Variants in CTNNA3 observed in about 807,000 individuals in gnomAD.
CTNNA3 encodes the protein catenin alpha 3, also known as catenin alpha-3.
A neutral mutation model predicts 95.7 loss-of-function variants in CTNNA3; 76 were observed. The observed-to-expected ratio is 0.79, with a 90% CI of 0.66 to 0.96. The LOEUF (loss-of-function observed/expected upper bound fraction) is 0.96, where lower values mean the gene tolerates loss of function less well. Ranked by LOEUF, CTNNA3 falls within the 40% of genes least tolerant of loss-of-function variation. The pLI is 0.00. For synonymous variants in CTNNA3, 431 were observed against 374.4 expected (o/e 1.15, Z -1.74); for missense variants, 1,191 against 1,089.8 (o/e 1.09, Z -1.31).
rs552757367 is a variant in CTNNA3, at chr10:66,068,356, A to G, written c.2159+952T>C. On this transcript the variant is annotated intron_variant, in intron 15 of 17. Transcript: ENST00000433211. ...TTTACATTTCAATATTGCTTAGGAC[A>G]TTCTATTGATGTACATTTTTTGAAG... Among the ~76,000 whole-genome samples, 3 of 152,242 alleles carry G rather than the reference A, an allele frequency of 2.0e-5. No individual in the cohort carries two copies. In the East Asian group the frequency reaches 5.8e-4, roughly 29 times the overall value.
chr10:67,554,958 C>T (rs1841180496), intron 3 of CTNNA3, among the ~76,000 whole-genome samples: 1 of 152,284 alleles, frequency 6.6e-6, no homozygotes, highest in South Asian at 2.1e-4. Flanking sequence ...GATCCAGTTT[C>T]AGCTTTCTAC....
chr10:67,409,185 C>T (rs1845270587), intron 5 of CTNNA3, among the ~76,000 whole-genome samples: 1 of 152,090 alleles, frequency 6.6e-6, no homozygotes, highest in Non-Finnish European at 1.5e-5. Context: ...GGTGATTCCT[C>T]AGAGATCTAG....
chr10:66,810,648 T>TA (rs1841839863), intron 7 of CTNNA3, among the ~76,000 whole-genome samples: 1 of 39,664 alleles, frequency 2.5e-5, no homozygotes, highest in Admixed American at 2.9e-4. Context: ...TTTTGTTACT[T>TA]AAAATCTTCA....
At chr10:66,070,602 G>A (rs1023866846) in intron 14 of CTNNA3, among the ~76,000 whole-genome samples, 2 of 152,042 alleles carry the variant, frequency 1.3e-5, no homozygotes, top group African/African-American at 4.8e-5. Flanking sequence ...ATTATTTACT[G>A]TTCTCATAAT....
intron 1 of CTNNA3, among the ~76,000 whole-genome samples, chr10:67,654,245 T>C (rs1250007678): frequency 6.6e-6 from 1 of 152,222 alleles, no homozygotes; most frequent in East Asian, 1.9e-4. Context: ...AGTAGAAAGA[T>C]TGGCGAGTAG....
At chr10:66,201,893 AT>A (rs2087447568) in intron 13 of CTNNA3, among the ~76,000 whole-genome samples, 1 of 139,264 alleles carries the variant, frequency 7.2e-6, no homozygotes, top group African/African-American at 2.7e-5. Flanking sequence ...GGTTCAAGTG[AT>A]TCTCTCGCCT....
chr10:67,306,952 A>G (rs2132514163), intron 5 of CTNNA3, among the ~76,000 whole-genome samples: 1 of 152,324 alleles, frequency 6.6e-6, no homozygotes, highest in South Asian at 2.1e-4. Context: ...CATTTTGCAC[A>G]CAGAGAAAAC....
At chr10:66,447,851 C>G (rs977040352) in intron 11 of CTNNA3, among the ~76,000 whole-genome samples, 1 of 152,120 alleles carries the variant, frequency 6.6e-6, no homozygotes, top group Non-Finnish European at 1.5e-5. Flanking sequence ...TAAAGAGCTT[C>G]TGCACAGCAA....
intron 5 of CTNNA3, among the ~76,000 whole-genome samples, chr10:67,279,741 C>T (rs1440527614): frequency 6.7e-6 from 1 of 150,212 alleles, no homozygotes; most frequent in Non-Finnish European, 1.5e-5. Context: ...TTTCTACTTT[C>T]CTTTCACAAA....
At chr10:67,434,001 G>T (rs1222762805) in intron 5 of CTNNA3, among the ~76,000 whole-genome samples, 1 of 151,846 alleles carries the variant, frequency 6.6e-6, no homozygotes, top group Non-Finnish European at 1.5e-5. Context: ...ATCTAGCCTG[G>T]GTACAATCTC....
At chr10:67,651,894 C>T (rs1400981481) in intron 1 of CTNNA3, among the ~76,000 whole-genome samples, 1 of 152,192 alleles carries the variant, frequency 6.6e-6, no homozygotes, top group Non-Finnish European at 1.5e-5. Context: ...GATGTCCAGT[C>T]TAATTAAAGA....
At position 66,927,030 on chromosome 10, in the gene CTNNA3, T is replaced by C. The variant is rs1345372400; in HGVS notation, c.1048-151506A>G. ...CCGAACGAGGATGCCCTAAGGGCTG[T>C]AGGTGTGAAGGCAAAATGGTATATT... On this transcript the variant is annotated intron_variant, in intron 7 of 17. Transcript: ENST00000433211. This position sits in a 1 kb window ranked among gnomAD's most constrained non-coding sequence, Gnocchi z 4.7. 2 of 1,614,188 alleles carry C rather than the reference T, an allele frequency of 1.2e-6. No individual in the cohort carries two copies. The highest frequency in any genetic ancestry group is 1.7e-5 in the Admixed American group (1 of 60,022).
At chr10:67,303,700 T>C (rs10823027) in intron 5 of CTNNA3, among the ~76,000 whole-genome samples, 24,874 of 152,202 alleles carry the variant, frequency 0.16, 2,723 homozygotes, top group East Asian at 0.33. Context: ...TTCCCTATAA[T>C]ACAGTATATT....
chr10:66,755,851 G>T (rs958055737), intron 9 of CTNNA3, among the ~76,000 whole-genome samples: 2 of 151,954 alleles, frequency 1.3e-5, no homozygotes, highest in Non-Finnish European at 2.9e-5. Context: ...TCTCAAAATT[G>T]GAATGTTTAA....
intron 13 of CTNNA3, among the ~76,000 whole-genome samples, chr10:66,238,499 T>C (rs1177692675): frequency 2.6e-5 from 4 of 152,034 alleles, no homozygotes; most frequent in Non-Finnish European, 4.4e-5. Flanking sequence ...AATAGTTGTA[T>C]AGACAGCCAA....
chr10:65,955,702 A>G (rs1343382834), intron 17 of CTNNA3, among the ~76,000 whole-genome samples: 1 of 152,064 alleles, frequency 6.6e-6, no homozygotes, highest in East Asian at 1.9e-4. Flanking sequence ...ATTGATTTGC[A>G]TATGTTGAAC....
chr10:66,916,786 G>C (rs1448306452), intron 7 of CTNNA3, among the ~76,000 whole-genome samples: 2 of 152,182 alleles, frequency 1.3e-5, no homozygotes, highest in Non-Finnish European at 2.9e-5. Context: ...TGTCCAGAGA[G>C]TTGGAGAATT....
intron 12 of CTNNA3, among the ~76,000 whole-genome samples, chr10:66,354,656 C>A (rs2092595366): frequency 6.6e-6 from 1 of 151,996 alleles, no homozygotes; most frequent in South Asian, 2.1e-4. Context: ...CGTCCTTAGC[C>A]TTTTTGGATT....
At chr10:67,644,667 A>G (rs1839649588) in intron 2 of CTNNA3, among the ~76,000 whole-genome samples, 2 of 152,018 alleles carry the variant, frequency 1.3e-5, no homozygotes, top group Admixed American at 1.3e-4. Context: ...GGAGAATCCC[A>G]TTATTAAAAA....
Sources: gnomAD v4.1 joint callset for allele counts (sites outside exome capture counted in the v4.1 genomes callset) on GRCh38, gnomAD v4.1.1 for gene constraint, Gnocchi (gnomAD v3.1) non-coding constraint, MANE v1.5 for transcripts, NCBI Gene and HGNC (gene_info 2026-07-23, HGNC 2026-07-21) for gene names.